MATR3: variants seen among roughly 807,000 people sequenced by gnomAD.
MATR3 encodes the protein matrin-3.
A neutral mutation model predicts 85.5 loss-of-function variants in MATR3; 4 were observed. The ratio of observed to expected loss-of-function variants is 0.05; its 90% CI spans 0.02 to 0.11. The LOEUF (loss-of-function observed/expected upper bound fraction) is 0.11. Ranked by LOEUF, MATR3 falls within the 10% of genes least tolerant of loss-of-function variation. The pLI, the probability that MATR3 is intolerant of heterozygous loss-of-function variation, is 1.00. For missense variants in MATR3, 685 were observed against 1,016.1 expected, an observed-to-expected ratio of 0.67 and a Z score of 4.43; for synonymous variants, 336 against 343.1, an observed-to-expected ratio of 0.98 and a Z score of 0.23.
rs1274165017 is a variant in MATR3 at position 139,322,002 on chromosome 5, T to A, written c.1707T>A (p.Ser569=). Residue 569 remains serine (S), a synonymous_variant, in exon 10 of 15, where the codon TCT becomes TCA. Coordinates refer to ENST00000394805, the MANE Select transcript of MATR3 (RefSeq NM_018834.6). The part of the protein sequence containing the change: ...FQGRCVKVDL[S]EKYKKLVLRI... ...GGAGATGTGTGAAGGTTGACCTGTCTGAGAAATATAAAAAACTGGTTCTGA... is the reference window on the plus strand; with the variant it reads ...GGAGATGTGTGAAGGTTGACCTGTCAGAGAAATATAAAAAACTGGTTCTGA... The A allele has an allele frequency of 6.2e-7, 1 of 1,614,110 alleles. No homozygotes were observed. The highest frequency in any genetic ancestry group is 8.5e-7 in the Non-Finnish European group (1 of 1,179,986).
intron 4 of MATR3, 61 bp from the exon 5 acceptor site, chr5:139,316,009 TTTAATC>T (rs1377117049): frequency 8.1e-6 from 10 of 1,240,492 alleles, no homozygotes; most frequent in African/African-American, 3.0e-5. Context: ...TGCTTTAACA[TTTAATC>T]TTAATTCTTT....
chr5:139,301,092 G>A (rs1230140381), intron 1 of MATR3, among the ~76,000 whole-genome samples: 1 of 152,164 alleles, frequency 6.6e-6, no homozygotes, highest in African/African-American at 2.4e-5. Context: ...TAGGATTACA[G>A]CCATGAGCCA....
rs1212630999 is a variant in MATR3, at chr5:139,307,405, C to G, written c.-11C>G. 6.2e-7 allele frequency: 1 copy of G among 1,611,626 alleles called. No individual in the cohort carries two copies. The highest frequency in any genetic ancestry group is 8.5e-7 in the Non-Finnish European group (1 of 1,178,582). Reference sequence around the variant, plus strand: ...TTTTAATCTATAAAATAGACAAGAGCTAGTTCTACAATGTCCAAGTCATTC... The same window carrying G: ...TTTTAATCTATAAAATAGACAAGAGGTAGTTCTACAATGTCCAAGTCATTC... On this transcript the variant is annotated 5_prime_UTR_variant, in exon 2 of 15. Coordinates refer to ENST00000394805, the MANE Select transcript of MATR3 (RefSeq NM_018834.6). The surrounding 1 kb of genome is among the most constrained non-coding windows in gnomAD (Gnocchi z 4.4).
intron 2 of MATR3, chr5:139,276,303 C>A: frequency 2.3e-6 from 1 of 442,548 alleles, no homozygotes; most frequent in Non-Finnish European, 4.6e-6. Context: ...GTGTTGACTA[C>A]CCCAGGATGC....
chr5:139,324,830 T>C (rs887685974), intron 12 of MATR3, among the ~76,000 whole-genome samples: 1 of 152,196 alleles, frequency 6.6e-6, no homozygotes, highest in Non-Finnish European at 1.5e-5. Flanking sequence ...ATAAGCTAAA[T>C]TATTTTTCAA....
Position 139,331,339 on chromosome 5 carries a change from G to T in MATR3, c.*1944G>T, listed in dbSNP as rs777384577. ...GTTTAATTCCAATTTTTAACAGCAG[G>T]TACATAAAGCATTATGTGCACAATG... is the stretch of plus-strand genomic sequence containing the variant. On this transcript the variant is annotated 3_prime_UTR_variant, in exon 15 of 15. Coordinates refer to ENST00000394805, the MANE Select transcript of MATR3 (RefSeq NM_018834.6). The T allele has an allele frequency of 6.6e-6, 3 of 453,962 alleles. No homozygotes were observed. The highest frequency in any genetic ancestry group is 6.0e-5 in the African/African-American group (3 of 49,982). The allele number at this position is 453,962 out of a possible 1,614,324, so 28.1% of individuals were successfully genotyped here.
chr5:139,321,849 A>G (rs751161682), intron 9 of MATR3, 49 bp from the exon 10 acceptor site: 27 of 1,591,866 alleles, frequency 1.7e-5, no homozygotes, highest in East Asian at 2.2e-5. Context: ...GTTTTATACA[A>G]TTTTGTAAAA....
chr5:139,317,601 T>G lies in MATR3; in HGVS notation c.1188T>G (p.Thr396=). 1 of 1,611,792 alleles carries G rather than the reference T, an allele frequency of 6.2e-7. No individual in the cohort carries two copies. The highest frequency in any genetic ancestry group is 8.5e-7 in the Non-Finnish European group (1 of 1,179,782). Residue 396 remains threonine (T), a synonymous_variant, in exon 7 of 15, where the codon ACT becomes ACG. Transcript: ENST00000394805. ...TTTTTTCCCCTAATGGATAGGAAACTAGCAGAGTTGTTCACATCATGGATT... is the reference window on the plus strand; with the variant it reads ...TTTTTTCCCCTAATGGATAGGAAACGAGCAGAGTTGTTCACATCATGGATT... The part of the protein sequence containing the change: ...PRHMQKGRVE[T]SRVVHIMDFQ...
At chr5:139,297,926 A>G (rs2151932915) in intron 1 of MATR3, among the ~76,000 whole-genome samples, 1 of 152,310 alleles carries the variant, frequency 6.6e-6, no homozygotes, top group Non-Finnish European at 1.5e-5. Context: ...GGAAAACAAG[A>G]GGGGAGCTTG....
chr5:139,325,789 A>C, intron 13 of MATR3, 127 bp downstream of exon 13: 2 of 784,200 alleles, frequency 2.6e-6, no homozygotes, highest in Non-Finnish European at 4.3e-6. Context: ...CTTTGTTTCT[A>C]TGGGGAACAA....
intron 7 of MATR3, 81 bp from the exon 8 acceptor site, chr5:139,318,827 T>A (rs1755392423): frequency 1.5e-6 from 2 of 1,365,584 alleles, no homozygotes; most frequent in Non-Finnish European, 2.1e-6. Context: ...GCATTGTTAT[T>A]TTTTAGGAAA....
At chr5:139,323,931 C>G (rs1246679779) in intron 12 of MATR3, among the ~76,000 whole-genome samples, 1 of 152,002 alleles carries the variant, frequency 6.6e-6, no homozygotes, top group Non-Finnish European at 1.5e-5. Context: ...TTTTGCCATC[C>G]TATTCCATAT....
At chr5:139,319,944 TTTTC>T (rs1285331720) in intron 9 of MATR3, among the ~76,000 whole-genome samples, 6 of 144,120 alleles carry the variant, frequency 4.2e-5, no homozygotes, top group African/African-American at 1.0e-4. Flanking sequence ...TTTGCTTTTC[TTTTC>T]TTTTTTTTTT....
At chr5:139,311,319 A>G (rs1754961216) in intron 2 of MATR3, 1 of 152,230 alleles carries the variant, frequency 6.6e-6, no homozygotes, top group South Asian at 2.1e-4. Context: ...GTCTGAATTT[A>G]AAAAGTGCAC....
intron 1 of MATR3, among the ~76,000 whole-genome samples, chr5:139,296,664 G>T (rs929260148): frequency 6.6e-6 from 1 of 152,176 alleles, no homozygotes; most frequent in Non-Finnish European, 1.5e-5. Context: ...TGGATATTGG[G>T]TATAAGCAAA....
At chr5:139,294,118 G>A in intron 1 of MATR3, 5 of 1,175,712 alleles carry the variant, frequency 4.3e-6, no homozygotes, top group Non-Finnish European at 5.4e-6. Context: ...GACCGGCCGA[G>A]CTTCCTGCGC....
intron 3 of MATR3, chr5:139,283,406 A>G (rs1753601961): frequency 6.6e-6 from 1 of 152,298 alleles, no homozygotes; most frequent in African/African-American, 2.4e-5. Context: ...AAAGAACAGG[A>G]GGGGTGAAAG....
chr5:139,303,302 A>G (rs1170943917), intron 1 of MATR3, among the ~76,000 whole-genome samples: 1 of 152,128 alleles, frequency 6.6e-6, no homozygotes, highest in Non-Finnish European at 1.5e-5. Context: ...AGGTTTCACC[A>G]TGTTGGCCAG....
intron 1 of MATR3, among the ~76,000 whole-genome samples, chr5:139,299,637 A>G (rs1000917801): frequency 6.6e-6 from 1 of 152,230 alleles, no homozygotes; most frequent in Non-Finnish European, 1.5e-5. Context: ...TGCACTGGGC[A>G]ACAGAGGAAG....
Sources: gnomAD v4.1 joint callset for allele counts (sites outside exome capture counted in the v4.1 genomes callset) on GRCh38, gnomAD v4.1.1 for gene constraint, Gnocchi (gnomAD v3.1) non-coding constraint, MANE v1.5 for transcripts, NCBI Gene and HGNC (gene_info 2026-07-23, HGNC 2026-07-21) for gene names.